Variants in AP2M1 observed in about 807,000 individuals in gnomAD.
The protein encoded by AP2M1 is adaptor related protein complex 2 subunit mu 1.
A neutral mutation model predicts 54.5 loss-of-function variants in AP2M1; 5 were observed. That is an observed-to-expected ratio of 0.09 (90% CI 0.05 to 0.19). AP2M1 has a LOEUF of 0.19. Ranked by LOEUF, AP2M1 falls within the 10% of genes least tolerant of loss-of-function variation. The probability of loss-of-function intolerance (pLI) is 1.00; values close to 1 mark genes in which losing one functional copy is unlikely to be tolerated. For missense variants in AP2M1, 178 were observed against 580.2 expected (o/e 0.31, Z 7.12); for synonymous variants, 186 against 208.2 (o/e 0.89, Z 0.92).
At position 184,177,085 on chromosome 3, in the gene AP2M1, G is replaced by A; in HGVS notation, c.74+18G>A. The A allele has an allele frequency of 3.7e-6, 6 of 1,609,886 alleles. No homozygotes were observed. Among genetic ancestry groups the A allele is most frequent in the Non-Finnish European group, 5.1e-6 (6 of 1,177,776 alleles). On this transcript the variant is annotated intron_variant, in intron 2 of 11. Coordinates refer to ENST00000292807, the MANE Select transcript of AP2M1 (RefSeq NM_004068.4). ...GACATCGGGTGAGTCCCCTGGCGGA[G>A]CCAGCTGTGCCCCACCACTCCAGCC...
Position 184,183,739 on chromosome 3 carries a change from G to C in AP2M1, c.*123G>C, listed in dbSNP as rs1445600301. On this transcript the variant is annotated 3_prime_UTR_variant, in exon 12 of 12. Coordinates refer to ENST00000292807, the MANE Select transcript of AP2M1 (RefSeq NM_004068.4). The surrounding 1 kb of genome is among the most constrained non-coding windows in gnomAD (Gnocchi z 5.7). Reference sequence around the variant, plus strand: ...GCTTTGCTGCCTTCCCTTTGCACCAGCCCGAGTCTAGGTCTGGGCCAAGCA... The same window carrying C: ...GCTTTGCTGCCTTCCCTTTGCACCACCCCGAGTCTAGGTCTGGGCCAAGCA... 4 of 1,211,824 alleles carry C rather than the reference G, an allele frequency of 3.3e-6. No homozygotes were observed. The highest frequency in any genetic ancestry group is 4.6e-5 in the Admixed American group (2 of 43,388). The allele number at this position is 1,211,824 out of a possible 1,614,324, so 75.1% of individuals were successfully genotyped here.
rs953940828 is a variant in AP2M1 at position 184,182,168 on chromosome 3, A to C, written c.981A>C (p.Pro327=). 3.1e-6 allele frequency: 5 copies of C among 1,614,122 alleles called. No homozygotes were observed. The highest frequency in any genetic ancestry group is 3.4e-6 in the Non-Finnish European group (4 of 1,180,006). ...ACTTCTAGGTGAGGATCCCAACCCC[A>C]CTGAACACAAGCGGGGTGCAGGTGA... ...AQKIEVRIPT[P]LNTSGVQVIC... The change falls in exon 10 of 12, where the codon CCA becomes CCC. Residue 327 remains proline (P), a synonymous_variant. Transcript: ENST00000292807. This position sits in a 1 kb window ranked among gnomAD's most constrained non-coding sequence, Gnocchi z 5.5.
chr3:184,174,884 ACGAGCAGGGGGCGGG>A lies in AP2M1; in HGVS notation c.-116_-102del. 1 of 398,412 alleles carries A rather than the reference ACGAGCAGGGGGCGGG, an allele frequency of 2.5e-6. No individual in the cohort carries two copies. Among genetic ancestry groups the A allele is most frequent in the East Asian group, 3.6e-5 (1 of 28,078 alleles). 24.7% of individuals were successfully genotyped at this position (398,412 alleles called of 1,614,324 possible). On this transcript the variant is annotated 5_prime_UTR_variant, in exon 1 of 12. Coordinates refer to ENST00000292807, the MANE Select transcript of AP2M1 (RefSeq NM_004068.4). ...CGGTGAAAGCCGAGGCAGCGGGCAG[ACGAGCAGGGGGCGGG>A]CGGACATCTTGGGATCCGGAGAGTG...
Position 184,180,353 on chromosome 3 carries a change from A to T in AP2M1, c.423+102A>T. 1 of 1,407,008 alleles carries T rather than the reference A, an allele frequency of 7.1e-7. No homozygotes were observed. Among genetic ancestry groups the T allele is most frequent in the South Asian group, 1.2e-5 (1 of 80,968 alleles). The allele number at this position is 1,407,008 out of a possible 1,614,324, so 87.2% of individuals were successfully genotyped here. On this transcript the variant is annotated intron_variant, in intron 4 of 11. Coordinates refer to ENST00000292807, the MANE Select transcript of AP2M1 (RefSeq NM_004068.4). The surrounding 1 kb of genome is among the most constrained non-coding windows in gnomAD (Gnocchi z 4.9). ...GAGCTGACTCATGAGCCCTCCCATG[A>T]CAGGAAGTGCTGGCCTGAGCCTCCT... is the stretch of plus-strand genomic sequence containing the variant.
chr3:184,179,708 C>G (rs1173347704), intron 3 of AP2M1, among the ~76,000 whole-genome samples: 5 of 141,524 alleles, frequency 3.5e-5, no homozygotes. Context: ...GTCACCTATG[C>G]TGAGTGCAGT....
chr3:184,176,959 T>G lies in AP2M1; in HGVS notation c.-35T>G. 6.2e-7 allele frequency: 1 copy of G among 1,610,834 alleles called. No homozygotes were observed. Among genetic ancestry groups the G allele is most frequent in the South Asian group, 1.1e-5 (1 of 90,610 alleles). ...GCCCCCGCCTGTCCTAGGTCTGTTCTCAGAGCGATGGGCCGCGGAGACTGA... is the reference window on the plus strand; with the variant it reads ...GCCCCCGCCTGTCCTAGGTCTGTTCGCAGAGCGATGGGCCGCGGAGACTGA... On this transcript the variant is annotated 5_prime_UTR_variant, in exon 2 of 12. Coordinates refer to ENST00000292807, the MANE Select transcript of AP2M1 (RefSeq NM_004068.4).
Position 184,182,823 on chromosome 3 carries a change from C to T in AP2M1, c.1128C>T (p.Asn376=), listed in dbSNP as rs773364939. The change falls in exon 11 of 12, where the codon AAC becomes AAT. Residue 376 remains asparagine (N), a synonymous_variant. Transcript: ENST00000292807. The surrounding 1 kb of genome is among the most constrained non-coding windows in gnomAD (Gnocchi z 5.5). ...CAGAGATTGAGCTTCTGCCTACCAA[C>T]GACAAGAAGAAATGGGCTCGACCCC... ...ISAEIELLPT[N]DKKKWARPPI... is the part of the protein sequence containing the mutation. 27 of 1,613,978 alleles carry T rather than the reference C, an allele frequency of 1.7e-5. No homozygotes were observed. Among genetic ancestry groups the T allele is most frequent in the East Asian group, 6.7e-5 (3 of 44,874 alleles).
rs563912878 is a variant in AP2M1 at position 184,183,918 on chromosome 3, T to C, written c.*302T>C. 29 of 335,726 alleles carry C rather than the reference T, an allele frequency of 8.6e-5. No individual in the cohort carries two copies. In the East Asian group the frequency reaches 1.8e-3, roughly 20 times the overall value. 20.8% of individuals were successfully genotyped at this position (335,726 alleles called of 1,614,324 possible). On this transcript the variant is annotated 3_prime_UTR_variant, in exon 12 of 12. Transcript: ENST00000292807. This position sits in a 1 kb window ranked among gnomAD's most constrained non-coding sequence, Gnocchi z 5.7. ...GTGGGTTCCCTTTCCTTCCCACCCC[T>C]GTGGCCACAGCTCTGGAGTGGGAGG...
Position 184,181,372 on chromosome 3 carries a change from C to T in AP2M1, c.707+146C>T. On this transcript the variant is annotated intron_variant, in intron 7 of 11. Coordinates refer to ENST00000292807, the MANE Select transcript of AP2M1 (RefSeq NM_004068.4). The surrounding 1 kb of genome is among the most constrained non-coding windows in gnomAD (Gnocchi z 5.7). ...GGTAAGCCTGGCTGTTCGCTCTTGA[C>T]ATTAGTGCTACGAGAGATGAGGGGA... is the stretch of plus-strand genomic sequence containing the variant. 8.0e-7 allele frequency: 1 copy of T among 1,251,386 alleles called. No individual in the cohort carries two copies. The highest frequency in any genetic ancestry group is 1.1e-6 in the Non-Finnish European group (1 of 892,158). The allele number at this position is 1,251,386 out of a possible 1,614,324, so 77.5% of individuals were successfully genotyped here. A position where few individuals can be genotyped will look rare whatever the true frequency, so the allele number is the denominator to read the frequency against.
chr3:184,183,204 T>TAA lies in AP2M1; in HGVS notation c.1174-277_1174-276insAA. The TAA allele has an allele frequency of 1.8e-6, 1 of 557,018 alleles. No individual in the cohort carries two copies. The highest frequency in any genetic ancestry group is 1.9e-5 in the African/African-American group (1 of 53,356). The allele number at this position is 557,018 out of a possible 1,614,324, so 34.5% of individuals were successfully genotyped here. On this transcript the variant is annotated intron_variant, in intron 11 of 11. Coordinates refer to ENST00000292807, the MANE Select transcript of AP2M1 (RefSeq NM_004068.4). The surrounding 1 kb of genome is among the most constrained non-coding windows in gnomAD (Gnocchi z 5.7). ...ATGTTAGACATAATTTTCTCCACCTTATTTTTAAGTTCATAATATTGAGCA... is the reference window on the plus strand; with the variant it reads ...ATGTTAGACATAATTTTCTCCACCTTAAATTTTTAAGTTCATAATATTGAGCA...
At position 184,182,696 on chromosome 3, in the gene AP2M1, G is replaced by A. The variant is rs1474925123; in HGVS notation, c.1062-61G>A. ...TGGGCTCTCTCCTTGCTTGAAATGG[G>A]CAACTGCCCTTGAAACTCCTCCAAG... is the stretch of plus-strand genomic sequence containing the variant. On this transcript the variant is annotated intron_variant, in intron 10 of 11. Transcript: ENST00000292807. The surrounding 1 kb of genome is among the most constrained non-coding windows in gnomAD (Gnocchi z 5.5). 50 of 1,472,262 alleles carry A rather than the reference G, an allele frequency of 3.4e-5. No individual in the cohort carries two copies. The highest frequency in any genetic ancestry group is 3.7e-4 in the Middle Eastern group (2 of 5,424). The allele number at this position is 1,472,262 out of a possible 1,614,324, so 91.2% of individuals were successfully genotyped here. A position where few individuals can be genotyped will look rare whatever the true frequency, so the allele number is the denominator to read the frequency against.
chr3:184,175,226 G>C (rs1715025936), intron 1 of AP2M1: 1 of 374,050 alleles, frequency 2.7e-6, no homozygotes, highest in African/African-American at 2.1e-5. Context: ...CCCAGAGCAG[G>C]AACGCTGCGC....
Position 184,178,417 on chromosome 3 carries a change from C to T in AP2M1, c.75-440C>T, listed in dbSNP as rs572334675. Among the ~76,000 whole-genome samples the T allele has an allele frequency of 1.3e-5, 2 of 152,230 alleles. No individual in the cohort carries two copies. The highest frequency in any genetic ancestry group is 2.9e-5 in the Non-Finnish European group (2 of 68,050). On this transcript the variant is annotated intron_variant, in intron 2 of 11. Transcript: ENST00000292807. This position sits in a 1 kb window ranked among gnomAD's most constrained non-coding sequence, Gnocchi z 4.9. ...CTGAAGCCATGCTGGCTTTGTCTAA[C>T]ATCTGGAGGAGTCGGCCCTCCCCAC...
chr3:184,177,746 C>T (rs1715122999), intron 2 of AP2M1: 1 of 855,966 alleles, frequency 1.2e-6, no homozygotes, highest in Admixed American at 2.6e-5. Context: ...CCCTTGCACG[C>T]CCTTGTTCTT....
rs758127780 is a variant in AP2M1 at position 184,183,453 on chromosome 3, C to T, written c.1174-29C>T. Reference sequence around the variant, plus strand: ...AGGAGAGCGGCTGTAAGAGGAAGGCCACATTTCTAACTAGCTCTCCTTGCC... The same window carrying T: ...AGGAGAGCGGCTGTAAGAGGAAGGCTACATTTCTAACTAGCTCTCCTTGCC... On this transcript the variant is annotated intron_variant, in intron 11 of 11. Transcript: ENST00000292807. The surrounding 1 kb of genome is among the most constrained non-coding windows in gnomAD (Gnocchi z 5.7). 4 of 1,613,466 alleles carry T rather than the reference C, an allele frequency of 2.5e-6. No individual in the cohort carries two copies. The East Asian group carries it at 8.9e-5, about 36-fold the overall frequency.
At chr3:184,177,737 C>G (rs922609251) in intron 2 of AP2M1, 30 of 885,532 alleles carry the variant, frequency 3.4e-5, no homozygotes, top group Non-Finnish European at 5.2e-5. Context: ...TTCTGCGCCC[C>G]CTTGCACGCC....
At position 184,178,399 on chromosome 3, in the gene AP2M1, C is replaced by T. The variant is rs1194407699; in HGVS notation, c.75-458C>T. On this transcript the variant is annotated intron_variant, in intron 2 of 11. Coordinates refer to ENST00000292807, the MANE Select transcript of AP2M1 (RefSeq NM_004068.4). The surrounding 1 kb of genome is among the most constrained non-coding windows in gnomAD (Gnocchi z 4.9). ...CTCCCTCCTTTGTGACTTCTGAAGC[C>T]ATGCTGGCTTTGTCTAACATCTGGA... Among the ~76,000 whole-genome samples the T allele has an allele frequency of 1.3e-5, 2 of 152,226 alleles. No individual in the cohort carries two copies. Among genetic ancestry groups the T allele is most frequent in the African/African-American group, 2.4e-5 (1 of 41,448 alleles).
Position 184,183,973 on chromosome 3 carries a change from C to T in AP2M1, c.*357C>T, listed in dbSNP as rs1260539762. The T allele has an allele frequency of 4.0e-6, 1 of 248,032 alleles. No individual in the cohort carries two copies. The highest frequency in any genetic ancestry group is 2.2e-5 in the African/African-American group (1 of 45,990). 15.4% of individuals were successfully genotyped at this position (248,032 alleles called of 1,614,324 possible). On this transcript the variant is annotated 3_prime_UTR_variant, in exon 12 of 12. Coordinates refer to ENST00000292807, the MANE Select transcript of AP2M1 (RefSeq NM_004068.4). This position sits in a 1 kb window ranked among gnomAD's most constrained non-coding sequence, Gnocchi z 5.7. The stretch of plus-strand genomic sequence containing the variant: ...GTTGCCCCTCACCTCAGAGCTCCCC[C>T]AAAGGCCAGTAATGGATCCCCGGCC...
In AP2M1 at chr3:184,178,136, G is replaced by A; in HGVS notation, c.75-721G>A. On this transcript the variant is annotated intron_variant, in intron 2 of 11. Coordinates refer to ENST00000292807, the MANE Select transcript of AP2M1 (RefSeq NM_004068.4). This position sits in a 1 kb window ranked among gnomAD's most constrained non-coding sequence, Gnocchi z 4.9. ...GTGCCGCCCTCCCGGTGTGTTGTGT[G>A]TCTAACCCTCTCTCTCGTTGCTATC... is the stretch of plus-strand genomic sequence containing the variant. The A allele has an allele frequency of 6.8e-7, 1 of 1,466,966 alleles. No homozygotes were observed. The highest frequency in any genetic ancestry group is 1.2e-5 in the South Asian group (1 of 82,674). 90.9% of individuals were successfully genotyped at this position (1,466,966 alleles called of 1,614,324 possible). A position where few individuals can be genotyped will look rare whatever the true frequency, so the allele number is the denominator to read the frequency against.
Sources: gnomAD v4.1 joint callset for allele counts (sites outside exome capture counted in the v4.1 genomes callset) on GRCh38, gnomAD v4.1.1 for gene constraint, Gnocchi (gnomAD v3.1) non-coding constraint, MANE v1.5 for transcripts, NCBI Gene and HGNC (gene_info 2026-07-23, HGNC 2026-07-21) for gene names.